Variants in LRRIQ4 observed in about 807,000 individuals in gnomAD.
LRRIQ4 encodes leucine-rich repeat and IQ domain-containing protein 4.
Under a neutral mutation model 40.1 loss-of-function variants are expected in LRRIQ4, and 21 were observed. The ratio of observed to expected loss-of-function variants is 0.52; its 90% CI spans 0.37 to 0.75. The LOEUF (loss-of-function observed/expected upper bound fraction) is 0.75. Ranked by LOEUF, LRRIQ4 falls within the 30% of genes least tolerant of loss-of-function variation. The pLI, the probability that LRRIQ4 is intolerant of heterozygous loss-of-function variation, is 0.00. For missense variants in LRRIQ4, 655 were observed against 660.0 expected, an observed-to-expected ratio of 0.99 and a Z score of 0.08; for synonymous variants, 277 against 277.1, an observed-to-expected ratio of 1.00 and a Z score of 0.00.
At chr3:169,833,689 T>C (rs957799052) in intron 5 of LRRIQ4, among the ~76,000 whole-genome samples, 3 of 152,188 alleles carry the variant, frequency 2.0e-5, no homozygotes, top group African/African-American at 7.2e-5. Flanking sequence ...CAGTGTTCTT[T>C]ATTCTCCAAC....
intron 2 of LRRIQ4, among the ~76,000 whole-genome samples, chr3:169,823,578 C>A (rs1779967919): frequency 6.6e-6 from 1 of 152,146 alleles, no homozygotes; most frequent in African/African-American, 2.4e-5. Flanking sequence ...GAACTCCTGA[C>A]CTTGTGTTCC....
At chr3:169,820,834 TGTTCTTTAGTCCAGC>T (rs1277227797) in intron 1 of LRRIQ4, among the ~76,000 whole-genome samples, 3 of 152,346 alleles carry the variant, frequency 2.0e-5, no homozygotes, top group African/African-American at 7.2e-5. Flanking sequence ...GACCTGTCTC[TGTTCTTTAGTCCAGC>T]CTGCAATTTT....
intron 1 of LRRIQ4, among the ~76,000 whole-genome samples, chr3:169,820,778 A>G (rs1779870111): frequency 6.6e-6 from 1 of 152,208 alleles, no homozygotes; most frequent in African/African-American, 2.4e-5. Flanking sequence ...GACAGAGTTA[A>G]GCTCCTTCCA....
At chr3:169,816,611 G>A (rs1576758134) in intron 1 of LRRIQ4, among the ~76,000 whole-genome samples, 1 of 148,208 alleles carries the variant, frequency 6.7e-6, no homozygotes, top group African/African-American at 2.5e-5. Flanking sequence ...TAATTTTTTT[G>A]CATTGTTCTT....
rs548861708 is a variant in LRRIQ4, at chr3:169,820,241, C to A, written c.-31-1650C>A. Among the ~76,000 whole-genome samples, 96 of 139,040 alleles carry A rather than the reference C, an allele frequency of 6.9e-4. 1 individual carries two copies. Among genetic ancestry groups the A allele is most frequent in the African/African-American group, 2.1e-3 (75 of 35,048 alleles). 91.2% of individuals were successfully genotyped at this position (139,040 alleles called of 152,430 possible). ...TGTCATGTTGTTCTCTGCCTTTCCCCATAGACTCTGTGTGTGTGTGTGTGT... is the reference window on the plus strand; with the variant it reads ...TGTCATGTTGTTCTCTGCCTTTCCCAATAGACTCTGTGTGTGTGTGTGTGT... On this transcript the variant is annotated intron_variant, in intron 1 of 5. Coordinates refer to ENST00000340806, the MANE Select transcript of LRRIQ4 (RefSeq NM_001080460.3).
intron 5 of LRRIQ4, among the ~76,000 whole-genome samples, chr3:169,835,875 AG>A (rs965204084): frequency 3.4e-4 from 52 of 152,286 alleles, no homozygotes; most frequent in African/African-American, 1.2e-3. Flanking sequence ...TGCTTTCCCC[AG>A]ATATGAGCAA....
intron 1 of LRRIQ4, among the ~76,000 whole-genome samples, chr3:169,820,494 T>C (rs116605538): frequency 0.034 from 5,189 of 151,572 alleles, 234 homozygotes; most frequent in South Asian, 0.12. Context: ...TTGACTAACA[T>C]TGCATAAAAA....
intron 2 of LRRIQ4, among the ~76,000 whole-genome samples, chr3:169,825,317 C>T (rs1045733247): frequency 3.9e-5 from 6 of 152,128 alleles, no homozygotes; most frequent in African/African-American, 1.4e-4. Context: ...CTAAAAAAAT[C>T]TTTTATTTGA....
At chr3:169,817,227 G>A (rs563717834) in intron 1 of LRRIQ4, among the ~76,000 whole-genome samples, 6 of 151,954 alleles carry the variant, frequency 3.9e-5, no homozygotes, top group Admixed American at 2.0e-4. Flanking sequence ...TAATTTCCAC[G>A]TGTTTGTACA....
At chr3:169,825,327 A>AT (rs1780019191) in intron 2 of LRRIQ4, among the ~76,000 whole-genome samples, 1 of 152,068 alleles carries the variant, frequency 6.6e-6, no homozygotes, top group Non-Finnish European at 1.5e-5. Context: ...CTTTTATTTG[A>AT]TTTTTTATTT....
chr3:169,821,836 C>A, intron 1 of LRRIQ4, 55 bp from the exon 2 acceptor site: 1 of 883,788 alleles, frequency 1.1e-6, no homozygotes, highest in Non-Finnish European at 1.6e-6. Context: ...TTAAGGATAG[C>A]AAGTCTGGTG....
At chr3:169,835,364 C>CTG (rs149888477) in intron 5 of LRRIQ4, among the ~76,000 whole-genome samples, 16,785 of 146,348 alleles carry the variant, frequency 0.11, 972 homozygotes, top group African/African-American at 0.14. Flanking sequence ...TTGTCTTTTT[C>CTG]TGTGTGTGTG....
intron 5 of LRRIQ4, among the ~76,000 whole-genome samples, chr3:169,836,660 T>G (rs1780309881): frequency 6.6e-6 from 1 of 152,178 alleles, no homozygotes; most frequent in African/African-American, 2.4e-5. Flanking sequence ...GACTTCAGCA[T>G]ATGAATTTGG....
intron 2 of LRRIQ4, among the ~76,000 whole-genome samples, chr3:169,826,532 C>T (rs1780045014): frequency 6.6e-6 from 1 of 152,130 alleles, no homozygotes; most frequent in African/African-American, 2.4e-5. Flanking sequence ...TAGATTTCTT[C>T]TCATTATACT....
At chr3:169,835,713 C>T (rs1458603221) in intron 5 of LRRIQ4, among the ~76,000 whole-genome samples, 1 of 152,080 alleles carries the variant, frequency 6.6e-6, no homozygotes, top group Non-Finnish European at 1.5e-5. Context: ...CAGTGCTGTT[C>T]CCTGGATCCC....
At chr3:169,820,012 G>C (rs115485786) in intron 1 of LRRIQ4, among the ~76,000 whole-genome samples, 2,377 of 152,218 alleles carry the variant, frequency 0.016, 66 homozygotes, top group African/African-American at 0.054. Flanking sequence ...AGCTGGTTTT[G>C]AGTCCAGGCA....
At chr3:169,825,135 G>A (rs972143601) in intron 2 of LRRIQ4, among the ~76,000 whole-genome samples, 1 of 151,486 alleles carries the variant, frequency 6.6e-6, no homozygotes, top group African/African-American at 2.4e-5. Flanking sequence ...AGCCTCCCGA[G>A]TAGCTGGGAC....
chr3:169,817,553 T>C (rs1252430608), intron 1 of LRRIQ4, among the ~76,000 whole-genome samples: 2 of 152,238 alleles, frequency 1.3e-5, no homozygotes, highest in African/African-American at 4.8e-5. Flanking sequence ...ATTATTGTAC[T>C]GGAGTCTATT....
intron 3 of LRRIQ4, 137 bp downstream of exon 3, chr3:169,829,069 C>A: frequency 1.3e-6 from 1 of 754,048 alleles, no homozygotes; most frequent in Non-Finnish European, 2.1e-6. Context: ...GACAAGCAAT[C>A]ATTTTTACAT....
Sources: allele counts gnomAD v4.1 joint callset (sites outside exome capture counted in the v4.1 genomes callset), GRCh38; gene constraint gnomAD v4.1.1; transcripts MANE v1.5; gene names NCBI Gene and HGNC (gene_info 2026-07-23, HGNC 2026-07-21).